SLC2A9: variants seen among roughly 807,000 people sequenced by gnomAD.
SLC2A9 encodes the protein solute carrier family 2 member 9.
SLC2A9 carries 39 observed loss-of-function variants against 50.6 expected under a neutral mutation model. The observed-to-expected ratio is 0.77, with a 90% CI of 0.60 to 1.01. The LOEUF (loss-of-function observed/expected upper bound fraction) is 1.01, where lower values mean the gene tolerates loss of function less well. Among genes scored for constraint, SLC2A9 ranks in the 50% least tolerant of loss-of-function variants. The pLI, the probability that SLC2A9 is intolerant of heterozygous loss-of-function variation, is 0.00. For missense variants in SLC2A9, 686 were observed against 677.6 expected, an observed-to-expected ratio of 1.01 and a Z score of -0.14; for synonymous variants, 324 against 276.9, an observed-to-expected ratio of 1.17 and a Z score of -1.69.
At chr4:9,969,499 T>A (rs1027748034) in intron 5 of SLC2A9, among the ~76,000 whole-genome samples, 1 of 152,252 alleles carries the variant, frequency 6.6e-6, no homozygotes, top group Non-Finnish European at 1.5e-5. Context: ...CAAAAAACTT[T>A]AAGATCAATG....
intron 8 of SLC2A9, among the ~76,000 whole-genome samples, chr4:9,903,288 A>G (rs1740013845): frequency 6.6e-6 from 1 of 151,766 alleles, no homozygotes; most frequent in African/African-American, 2.4e-5. Context: ...ACAAGTCAAG[A>G]GCATATTCCA....
At chr4:9,976,231 C>T (rs542186230) in intron 5 of SLC2A9, among the ~76,000 whole-genome samples, 1 of 152,270 alleles carries the variant, frequency 6.6e-6, no homozygotes, top group South Asian at 2.1e-4. Context: ...AGTACGCACA[C>T]GTACCCTCTT....
intron 10 of SLC2A9, among the ~76,000 whole-genome samples, chr4:9,870,895 G>A (rs578044719): frequency 1.2e-4 from 19 of 152,102 alleles, no homozygotes; most frequent in South Asian, 4.2e-4. Context: ...AGTATCTAGC[G>A]CTGACCAAGT....
intron 3 of SLC2A9, among the ~76,000 whole-genome samples, chr4:9,802,006 C>A (rs192861109): frequency 6.6e-6 from 1 of 152,132 alleles, no homozygotes; most frequent in Non-Finnish European, 1.5e-5. Context: ...TGGGCTGCAG[C>A]GCTGGGAGCT....
intron 10 of SLC2A9, among the ~76,000 whole-genome samples, chr4:9,884,295 CT>C (rs1171565965): frequency 8.5e-5 from 13 of 152,132 alleles, no homozygotes; most frequent in Non-Finnish European, 5.9e-5. Flanking sequence ...AAGAGATGGG[CT>C]TTTTTTCTCT....
chr4:10,025,967 G>A (rs749651433), upstream of SLC2A9: 4 of 1,613,954 alleles, frequency 2.5e-6, no homozygotes, highest in East Asian at 4.5e-5. Flanking sequence ...TGAGCTTCAT[G>A]GTTCACTTTT....
chr4:9,819,396 T>C (rs1026450000), intron 3 of SLC2A9, among the ~76,000 whole-genome samples: 2 of 152,214 alleles, frequency 1.3e-5, no homozygotes, highest in Non-Finnish European at 2.9e-5. Context: ...GGATATCTCA[T>C]TGTAATTTTA....
intron 10 of SLC2A9, among the ~76,000 whole-genome samples, chr4:9,845,025 T>C (rs1728721314): frequency 1.4e-5 from 2 of 145,382 alleles, no homozygotes; most frequent in Admixed American, 6.6e-5. Context: ...GTTCAATTTT[T>C]TTTTTTGAGA....
At chr4:9,904,520 G>A (rs1224284543) in intron 8 of SLC2A9, among the ~76,000 whole-genome samples, 1 of 152,276 alleles carries the variant, frequency 6.6e-6, no homozygotes, top group African/African-American at 2.4e-5. Context: ...CCTATCTCAA[G>A]ATTAGTCCCA....
At chr4:9,969,664 G>C (rs1753585205) in intron 5 of SLC2A9, among the ~76,000 whole-genome samples, 1 of 152,214 alleles carries the variant, frequency 6.6e-6, no homozygotes, top group Non-Finnish European at 1.5e-5. Flanking sequence ...TGGCTGGGGA[G>C]GCTTCACAAT....
chr4:9,912,147 G>C (rs1277864405), intron 7 of SLC2A9, among the ~76,000 whole-genome samples: 3 of 152,148 alleles, frequency 2.0e-5, no homozygotes, highest in Non-Finnish European at 4.4e-5. Context: ...TTCTGGGGTG[G>C]GGGGAGCGGG....
intron 6 of SLC2A9, among the ~76,000 whole-genome samples, chr4:9,932,579 C>T (rs1746344760): frequency 6.6e-6 from 1 of 152,208 alleles, no homozygotes; most frequent in African/African-American, 2.4e-5. Flanking sequence ...TGAGAAGATG[C>T]TATTTCACTA....
chr4:9,956,946 A>G (rs1751409873), intron 5 of SLC2A9, among the ~76,000 whole-genome samples: 1 of 152,134 alleles, frequency 6.6e-6, no homozygotes, highest in Admixed American at 6.6e-5. Context: ...AGCAAAGTGG[A>G]GGAAGTGGCA....
rs192126239 is a variant in SLC2A9 at position 9,828,634 on chromosome 4, G to A, written c.1420-2034C>T. 6.3e-4 allele frequency among the ~76,000 whole-genome samples: 96 copies of A among 152,258 alleles called. 1 individual carries two copies. Among genetic ancestry groups the A allele is most frequent in the Admixed American group, 4.6e-3 (70 of 15,298 alleles). On this transcript the variant is annotated intron_variant, in intron 11 of 11. Transcript: ENST00000264784. ...TTTGCACATGCTGTTCTCTCTTGCTGGAATAATCTTCGTTTAGGCCTCTGT... is the reference window on the plus strand; with the variant it reads ...TTTGCACATGCTGTTCTCTCTTGCTAGAATAATCTTCGTTTAGGCCTCTGT...
chr4:9,932,319 T>G (rs1363954848), intron 6 of SLC2A9, among the ~76,000 whole-genome samples: 1 of 151,990 alleles, frequency 6.6e-6, no homozygotes, highest in Non-Finnish European at 1.5e-5. Context: ...GCAACAATTA[T>G]TTAGTAAGTA....
chr4:10,023,619 A>C (rs1763655712), upstream of SLC2A9, among the ~76,000 whole-genome samples: 1 of 152,240 alleles, frequency 6.6e-6, no homozygotes, highest in Non-Finnish European at 1.5e-5. Context: ...AAAAGAGCGG[A>C]GATGGGTCCC....
chr4:9,903,563 CCT>C (rs1188247541), intron 8 of SLC2A9, among the ~76,000 whole-genome samples: 1 of 151,932 alleles, frequency 6.6e-6, no homozygotes, highest in Non-Finnish European at 1.5e-5. Context: ...TGACTGACGC[CCT>C]GAGCCAAAAT....
intron 1 of SLC2A9, among the ~76,000 whole-genome samples, chr4:10,037,898 C>T (rs1764157111): frequency 6.6e-6 from 1 of 152,162 alleles, no homozygotes; most frequent in East Asian, 1.9e-4. Flanking sequence ...TTGCAGTGAG[C>T]TGAGACGGCA....
At chr4:9,891,014 G>A (rs1224005286) in intron 8 of SLC2A9, among the ~76,000 whole-genome samples, 1 of 152,224 alleles carries the variant, frequency 6.6e-6, no homozygotes, top group Non-Finnish European at 1.5e-5. Context: ...GAACTGGATG[G>A]ATATGGTCAC....
Sources: gnomAD v4.1 joint callset for allele counts (sites outside exome capture counted in the v4.1 genomes callset) on GRCh38, gnomAD v4.1.1 for gene constraint, MANE v1.5 for transcripts, NCBI Gene and HGNC (gene_info 2026-07-23, HGNC 2026-07-21) for gene names.